FHIT: variants seen among roughly 807,000 people sequenced by gnomAD.
FHIT encodes fragile histidine triad diadenosine triphosphatase, also known as bis(5'-adenosyl)-triphosphatase.
FHIT carries 19 observed loss-of-function variants against 17.9 expected under a neutral mutation model. That is an observed-to-expected ratio of 1.06 (90% CI 0.74 to 1.56). The LOEUF is 1.56. Ranked by LOEUF, FHIT falls within the 40% of genes most tolerant of loss-of-function variation. FHIT has a pLI of 0.00. For missense variants in FHIT, 248 were observed against 189.2 expected, an observed-to-expected ratio of 1.31 and a Z score of -1.82; for synonymous variants, 81 against 69.7, an observed-to-expected ratio of 1.16 and a Z score of -0.81.
At chr3:61,019,803 A>C (rs1285228065) in intron 3 of FHIT, among the ~76,000 whole-genome samples, 1 of 152,162 alleles carries the variant, frequency 6.6e-6, no homozygotes, top group Non-Finnish European at 1.5e-5. Context: ...CAGACTACCT[A>C]GTCTCCAGGC....
At chr3:60,305,362 G>T (rs1229449059) in intron 5 of FHIT, among the ~76,000 whole-genome samples, 1 of 152,042 alleles carries the variant, frequency 6.6e-6, no homozygotes, top group East Asian at 1.9e-4. Context: ...TGTAGGGTGA[G>T]GCCAAATTTT....
intron 1 of FHIT, among the ~76,000 whole-genome samples, chr3:61,213,631 G>C (rs1035496120): frequency 2.0e-5 from 3 of 152,196 alleles, no homozygotes; most frequent in South Asian, 2.1e-4. Context: ...TCCAGGTATT[G>C]AACTCAGCTC....
At chr3:60,148,283 C>G (rs1052195693) in intron 5 of FHIT, among the ~76,000 whole-genome samples, 1 of 152,106 alleles carries the variant, frequency 6.6e-6, no homozygotes, top group African/African-American at 2.4e-5. Context: ...AGATAAATGG[C>G]ATATGTGGTA....
intron 5 of FHIT, among the ~76,000 whole-genome samples, chr3:60,132,937 T>C (rs541078787): frequency 6.6e-6 from 1 of 152,302 alleles, no homozygotes; most frequent in East Asian, 1.9e-4. Context: ...TGAGTTAGAT[T>C]ACTGAAGACA....
chr3:61,207,473 A>G lies in FHIT; in HGVS notation c.-212-6808T>C, dbSNP rs1026353327. Among the ~76,000 whole-genome samples, 217 of 152,256 alleles carry G rather than the reference A, an allele frequency of 1.4e-3. 3 individuals are homozygous for G. Among genetic ancestry groups the G allele is most frequent in the Non-Finnish European group, 1.4e-3 (95 of 68,016 alleles). On this transcript the variant is annotated intron_variant, in intron 1 of 9. Transcript: ENST00000492590. ...CTGGACTTTTTTTGGTTGGTAAGCT[A>G]TTACTTATTGCCTCAATTTCAGAGC... is the stretch of plus-strand genomic sequence containing the variant.
chr3:60,223,806 C>T (rs1387559349), intron 5 of FHIT, among the ~76,000 whole-genome samples: 1 of 152,094 alleles, frequency 6.6e-6, no homozygotes, highest in East Asian at 1.9e-4. Context: ...GTTTTTCTCC[C>T]CTTCAGTAAC....
intron 3 of FHIT, among the ~76,000 whole-genome samples, chr3:60,948,196 C>A (rs545302967): frequency 5.5e-4 from 84 of 152,182 alleles, no homozygotes; most frequent in African/African-American, 2.0e-3. Flanking sequence ...CCCATTCATC[C>A]CTAAGGGGGT....
intron 4 of FHIT, among the ~76,000 whole-genome samples, chr3:60,548,902 C>G (rs1422669746): frequency 6.6e-6 from 1 of 152,180 alleles, no homozygotes; most frequent in Non-Finnish European, 1.5e-5. Context: ...TAACCCATCA[C>G]GGGGATTTGA....
intron 7 of FHIT, among the ~76,000 whole-genome samples, chr3:59,959,960 A>G (rs554264873): frequency 2.0e-4 from 30 of 152,252 alleles, no homozygotes; most frequent in African/African-American, 6.0e-4. Context: ...TTCATGGAGG[A>G]AGGGAATATA....
At position 60,777,760 on chromosome 3, in the gene FHIT, C is replaced by T. The variant is rs150343210; in HGVS notation, c.-18+44159G>A. On this transcript the variant is annotated intron_variant, in intron 4 of 9. Coordinates refer to ENST00000492590, the MANE Select transcript of FHIT (RefSeq NM_002012.4). ...CACAGTCAGATTGGAAAGTAAGTCA[C>T]GATATACAGGGTTAAATAAAACCCA... is the stretch of plus-strand genomic sequence containing the variant. Among the ~76,000 whole-genome samples the T allele has an allele frequency of 6.1e-3, 928 of 152,086 alleles. 4 individuals carry two copies. Among genetic ancestry groups the T allele is most frequent in the African/African-American group, 0.022 (897 of 41,500 alleles).
rs562876315 is a variant in FHIT at position 60,442,158 on chromosome 3, C to A, written c.103+94702G>T. Among the ~76,000 whole-genome samples, 21 of 152,000 alleles carry A rather than the reference C, an allele frequency of 1.4e-4. No homozygotes were observed. The South Asian group carries it at 4.4e-3, about 32-fold the overall frequency. ...TGCAGGCATAAGCCACCATGCCCAGCCCTGGTCACTCTGAAAGGAATGTCA... is the reference window on the plus strand; with the variant it reads ...TGCAGGCATAAGCCACCATGCCCAGACCTGGTCACTCTGAAAGGAATGTCA... On this transcript the variant is annotated intron_variant, in intron 5 of 9. Transcript: ENST00000492590.
chr3:59,871,453 C>G (rs908730185), intron 8 of FHIT, among the ~76,000 whole-genome samples: 1 of 152,110 alleles, frequency 6.6e-6, no homozygotes, highest in Non-Finnish European at 1.5e-5. Flanking sequence ...TACCCACCCC[C>G]CCACACACGC....
At chr3:60,248,037 A>G (rs1216303695) in intron 5 of FHIT, among the ~76,000 whole-genome samples, 2 of 152,188 alleles carry the variant, frequency 1.3e-5, no homozygotes, top group African/African-American at 4.8e-5. Flanking sequence ...ACTTCAGAGT[A>G]GAATTTTACC....
Position 60,291,053 on chromosome 3 carries a change from G to C in FHIT, c.103+245807C>G, listed in dbSNP as rs560337317. Among the ~76,000 whole-genome samples the C allele has an allele frequency of 1.1e-4, 16 of 152,266 alleles. No homozygotes were observed. In the South Asian group the frequency reaches 2.9e-3, roughly 28 times the overall value. ...CAGATGAGACTAAAGCGGCCTCATT[G>C]TCTGGGATGATAATCAGGTTCATTG... On this transcript the variant is annotated intron_variant, in intron 5 of 9. Coordinates refer to ENST00000492590, the MANE Select transcript of FHIT (RefSeq NM_002012.4).
At chr3:60,380,865 T>C (rs1381238608) in intron 5 of FHIT, among the ~76,000 whole-genome samples, 1 of 152,224 alleles carries the variant, frequency 6.6e-6, no homozygotes, top group South Asian at 2.1e-4. Flanking sequence ...TCAACATGAC[T>C]AGAGGCTTTA....
intron 5 of FHIT, among the ~76,000 whole-genome samples, chr3:60,131,614 G>T (rs1559662194): frequency 6.6e-6 from 1 of 152,034 alleles, no homozygotes; most frequent in Non-Finnish European, 1.5e-5. Context: ...CTATAAGGTG[G>T]CACCCACAGA....
chr3:60,811,317 G>C (rs1165910694), intron 4 of FHIT, among the ~76,000 whole-genome samples: 1 of 152,012 alleles, frequency 6.6e-6, no homozygotes, highest in Non-Finnish European at 1.5e-5. Flanking sequence ...CTGAATTTTG[G>C]GTGTTATTAC....
At chr3:60,192,240 C>G (rs114441561) in intron 5 of FHIT, among the ~76,000 whole-genome samples, 5,500 of 112,466 alleles carry the variant, frequency 0.049, 119 homozygotes, top group Middle Eastern at 0.14. Flanking sequence ...AACAGAGCAA[C>G]ACTATGTCTC....
intron 5 of FHIT, among the ~76,000 whole-genome samples, chr3:60,347,788 C>T (rs1055056769): frequency 2.0e-5 from 3 of 151,240 alleles, no homozygotes; most frequent in South Asian, 2.1e-4. Context: ...GACAAAGTCT[C>T]GCTCTTGTTG....
Sources: allele counts gnomAD v4.1 joint callset (sites outside exome capture counted in the v4.1 genomes callset), GRCh38; gene constraint gnomAD v4.1.1; transcripts MANE v1.5; gene names NCBI Gene and HGNC (gene_info 2026-07-23, HGNC 2026-07-21).